The following CACNB2 variants were observed in gnomAD, a reference collection of about 807,000 sequenced individuals.
CACNB2 encodes voltage-dependent L-type calcium channel subunit beta-2.
Under a neutral mutation model 73.3 loss-of-function variants are expected in CACNB2, and 42 were observed. The observed-to-expected ratio is 0.57, with a 90% CI of 0.45 to 0.74. CACNB2 has a LOEUF of 0.74. CACNB2 is among the 30% of genes least tolerant of loss of function. CACNB2 has a pLI of 0.00. For missense variants in CACNB2, 940 were observed against 853.0 expected (o/e 1.10, Z -1.27); for synonymous variants, 348 against 310.3 (o/e 1.12, Z -1.28).
chr10:18,345,302 A>C (rs183230324), intron 2 of CACNB2, among the ~76,000 whole-genome samples: 36 of 152,246 alleles, frequency 2.4e-4, no homozygotes, highest in Non-Finnish European at 4.7e-4. Context: ...TTCATATACT[A>C]ATTTTATCAC....
intron 2 of CACNB2, among the ~76,000 whole-genome samples, chr10:18,384,309 G>A (rs939423400): frequency 1.3e-5 from 2 of 152,166 alleles, no homozygotes; most frequent in Non-Finnish European, 2.9e-5. Flanking sequence ...CAATTTCCAA[G>A]TAATGGCTGT....
chr10:18,501,167 T>C (rs2050172775), intron 5 of CACNB2, among the ~76,000 whole-genome samples: 1 of 152,230 alleles, frequency 6.6e-6, no homozygotes. Context: ...ATTATTATCA[T>C]TAATGAAAAG....
chr10:18,379,364 C>A (rs1464619027), intron 2 of CACNB2, among the ~76,000 whole-genome samples: 1 of 152,098 alleles, frequency 6.6e-6, no homozygotes, highest in African/African-American at 2.4e-5. Flanking sequence ...AGGCGTTCAC[C>A]ACCATGCCCA....
At position 18,302,352 on chromosome 10, in the gene CACNB2, G is replaced by A. The variant is rs544762044; in HGVS notation, c.214-99572G>A. The stretch of plus-strand genomic sequence containing the variant: ...GCATAGCAGCAGCAGAAGCGATAGC[G>A]CCTGTATTTAAATGTGAATGACATT... On this transcript the variant is annotated intron_variant, in intron 2 of 13. Coordinates refer to ENST00000324631, the MANE Select transcript of CACNB2 (RefSeq NM_201596.3). Among the ~76,000 whole-genome samples the A allele has an allele frequency of 5.3e-5, 8 of 152,238 alleles. No individual in the cohort carries two copies. In the South Asian group the frequency reaches 8.3e-4, roughly 16 times the overall value.
At chr10:18,404,152 T>A (rs2044159679) in intron 3 of CACNB2, among the ~76,000 whole-genome samples, 1 of 152,136 alleles carries the variant, frequency 6.6e-6, no homozygotes, top group African/African-American at 2.4e-5. Flanking sequence ...TTTATATTTT[T>A]TCTTTAAAAT....
chr10:18,389,154 T>C (rs1453383872), intron 2 of CACNB2, among the ~76,000 whole-genome samples: 2 of 152,202 alleles, frequency 1.3e-5, no homozygotes, highest in East Asian at 1.9e-4. Flanking sequence ...TTTTGTTTTT[T>C]TGAGATGGGA....
chr10:18,496,600 G>A (rs1163914404), intron 3 of CACNB2, among the ~76,000 whole-genome samples: 2 of 151,972 alleles, frequency 1.3e-5, no homozygotes, highest in East Asian at 3.9e-4. Flanking sequence ...ATCACCTGAG[G>A]TCAGGAGTTC....
chr10:18,256,206 G>A (rs1484453741), intron 2 of CACNB2, among the ~76,000 whole-genome samples: 3 of 150,864 alleles, frequency 2.0e-5, no homozygotes, highest in African/African-American at 7.3e-5. Flanking sequence ...AGCTAATTTA[G>A]CAATTCATTA....
At chr10:18,435,015 A>T (rs1239362306) in intron 3 of CACNB2, among the ~76,000 whole-genome samples, 1 of 152,152 alleles carries the variant, frequency 6.6e-6, no homozygotes, top group East Asian at 1.9e-4. Flanking sequence ...ACACTTTGAG[A>T]ACTGCTGGCC....
intron 2 of CACNB2, among the ~76,000 whole-genome samples, chr10:18,236,299 G>T (rs1197628278): frequency 1.3e-5 from 2 of 152,184 alleles, no homozygotes; most frequent in African/African-American, 2.4e-5. Context: ...AAACACAGAG[G>T]CACGATCGGC....
intron 3 of CACNB2, among the ~76,000 whole-genome samples, chr10:18,425,864 C>CT (rs1401209003): frequency 6.6e-6 from 1 of 152,144 alleles, no homozygotes; most frequent in Non-Finnish European, 1.5e-5. Flanking sequence ...TGTTCCAGAG[C>CT]TATTTTTTGA....
At chr10:18,195,485 C>T (rs1325675137) in intron 2 of CACNB2, among the ~76,000 whole-genome samples, 1 of 152,204 alleles carries the variant, frequency 6.6e-6, no homozygotes, top group African/African-American at 2.4e-5. Context: ...ACGAGATTCA[C>T]TTTGTGCTGG....
At chr10:18,171,584 GT>G (rs200472850) in intron 2 of CACNB2, among the ~76,000 whole-genome samples, 9,079 of 82,110 alleles carry the variant, frequency 0.11, 398 homozygotes, top group African/African-American at 0.13. Flanking sequence ...CTTAATTCCA[GT>G]TTAAAAAAAA....
intron 2 of CACNB2, chr10:18,400,732 A>T: frequency 7.7e-7 from 1 of 1,291,230 alleles, no homozygotes; most frequent in Non-Finnish European, 9.8e-7. Context: ...TATGAGATGC[A>T]TTAAGTTTAG....
At chr10:18,265,530 G>A (rs577293270) in intron 2 of CACNB2, among the ~76,000 whole-genome samples, 1 of 152,246 alleles carries the variant, frequency 6.6e-6, no homozygotes, top group South Asian at 2.1e-4. Flanking sequence ...GAAAAGAACT[G>A]GCAAGGAGAA....
chr10:18,194,734 C>G (rs1267273391), intron 2 of CACNB2, among the ~76,000 whole-genome samples: 4 of 152,160 alleles, frequency 2.6e-5, no homozygotes, highest in African/African-American at 9.7e-5. Flanking sequence ...AGAAAATATC[C>G]AGATTCAACC....
At chr10:18,141,189 G>C (rs1239721383) in intron 1 of CACNB2, 3 of 1,550,078 alleles carry the variant, frequency 1.9e-6, no homozygotes, top group African/African-American at 1.4e-5. Context: ...CATGAATCAG[G>C]GGAGTGGACT....
At chr10:18,404,563 C>G (rs767769147) in intron 3 of CACNB2, among the ~76,000 whole-genome samples, 5 of 152,138 alleles carry the variant, frequency 3.3e-5, no homozygotes, top group Non-Finnish European at 5.9e-5. Flanking sequence ...TACTTCGTAA[C>G]CATCGAAGCA....
At position 18,284,043 on chromosome 10, in the gene CACNB2, C is replaced by G. The variant is rs550816927; in HGVS notation, c.214-117881C>G. ...AGTTTTTCCTTTTTTCAAAAATACA[C>G]TAATGTGATTAAAACCTTAAAAAAA... On this transcript the variant is annotated intron_variant, in intron 2 of 13. Transcript: ENST00000324631. Among the ~76,000 whole-genome samples, 18 of 151,328 alleles carry G rather than the reference C, an allele frequency of 1.2e-4. No individual in the cohort carries two copies. In the East Asian group the frequency reaches 2.1e-3, roughly 18 times the overall value.
Sources: allele counts gnomAD v4.1 joint callset (sites outside exome capture counted in the v4.1 genomes callset), GRCh38; gene constraint gnomAD v4.1.1; transcripts MANE v1.5; gene names NCBI Gene and HGNC (gene_info 2026-07-23, HGNC 2026-07-21).